The following TUSC3 variants were observed in gnomAD, a reference collection of about 807,000 sequenced individuals.
TUSC3 encodes tumor suppressor candidate 3.
TUSC3 carries 45 observed loss-of-function variants against 44.8 expected under a neutral mutation model. That is an observed-to-expected ratio of 1.00 (90% CI 0.79 to 1.29). The LOEUF is 1.29. TUSC3 is among the 50% of genes most tolerant of loss of function. TUSC3 has a pLI of 0.00. For synonymous variants in TUSC3, 212 were observed against 152.9 expected, an observed-to-expected ratio of 1.39 and a Z score of -2.85; for missense variants, 519 against 437.9, an observed-to-expected ratio of 1.19 and a Z score of -1.65.
the TUSC3 span, among the ~76,000 whole-genome samples, chr8:15,802,568 C>T: frequency 3.2e-3 from 494 of 152,208 alleles, 10 homozygotes; most frequent in Admixed American, 0.026. Flanking sequence ...ATTACAGGTG[C>T]ACGCCACCGT....
chr8:15,746,686 G>A (rs886994003), intron 8 of TUSC3, among the ~76,000 whole-genome samples: 6 of 151,832 alleles, frequency 4.0e-5, no homozygotes, highest in South Asian at 2.1e-4. Flanking sequence ...ACAACCCAAT[G>A]GGGCTACTAA....
At chr8:15,483,649 A>ATTTTTTTTTTTTTTTTTTTTTTTTTTTT (rs60092911) in intron 2 of TUSC3, among the ~76,000 whole-genome samples, 3 of 66,158 alleles carry the variant, frequency 4.5e-5, no homozygotes, top group Non-Finnish European at 5.5e-5. Flanking sequence ...TAGCACTGTG[A>ATTTTTTTTTTTTTTTTTTTTTTTTTTTT]TTTTTTTTTT....
chr8:15,736,186 A>C (rs937171646), intron 7 of TUSC3, among the ~76,000 whole-genome samples: 18 of 152,172 alleles, frequency 1.2e-4, no homozygotes, highest in African/African-American at 4.1e-4. Context: ...ACCTGACAAG[A>C]TGTCTGATGG....
rs150073848 is a variant in TUSC3 at position 15,699,995 on chromosome 8, T to C, written c.798+26159T>C. Among the ~76,000 whole-genome samples the C allele has an allele frequency of 2.7e-3, 407 of 152,304 alleles. 1 individual carries two copies. Among genetic ancestry groups the C allele is most frequent in the African/African-American group, 8.5e-3 (354 of 41,566 alleles). The stretch of plus-strand genomic sequence containing the variant: ...CCAATATTGCAACATTAGAATCTTT[T>C]TATAATCTTTTTATTATCTACATTT... On this transcript the variant is annotated intron_variant, in intron 6 of 10. Transcript: ENST00000503731.
chr8:15,744,174 C>A (rs951951894), intron 8 of TUSC3, among the ~76,000 whole-genome samples: 1 of 152,138 alleles, frequency 6.6e-6, no homozygotes, highest in Non-Finnish European at 1.5e-5. Flanking sequence ...ATTTACAACT[C>A]CCTCAAGTTC....
At chr8:15,586,631 C>A (rs1438416733) in intron 1 of TUSC3, among the ~76,000 whole-genome samples, 2 of 152,100 alleles carry the variant, frequency 1.3e-5, no homozygotes, top group Admixed American at 6.5e-5. Flanking sequence ...GAGTGAGAAA[C>A]TGAGGAGATT....
At chr8:15,712,983 C>A (rs1488160006) in intron 6 of TUSC3, among the ~76,000 whole-genome samples, 2 of 152,116 alleles carry the variant, frequency 1.3e-5, no homozygotes, top group African/African-American at 2.4e-5. Context: ...GCTGTTAAAT[C>A]AGTTGGATGT....
At chr8:15,691,618 C>G (rs1411706388) in intron 6 of TUSC3, among the ~76,000 whole-genome samples, 2 of 152,088 alleles carry the variant, frequency 1.3e-5, no homozygotes, top group Admixed American at 1.3e-4. Context: ...CCAGCTTTGC[C>G]CATTCACTAT....
chr8:15,568,217 T>C (rs1300388697), intron 1 of TUSC3, among the ~76,000 whole-genome samples: 1 of 152,146 alleles, frequency 6.6e-6, no homozygotes, highest in Non-Finnish European at 1.5e-5. Flanking sequence ...AAGTGTGGTG[T>C]GCAGATGCTA....
At chr8:15,493,567 T>C (rs191539143) in intron 2 of TUSC3, among the ~76,000 whole-genome samples, 1 of 152,266 alleles carries the variant, frequency 6.6e-6, no homozygotes, top group Non-Finnish European at 1.5e-5. Context: ...CCAGCACAGA[T>C]ATCAACTTAA....
chr8:15,708,184 G>A (rs554108229), intron 6 of TUSC3, among the ~76,000 whole-genome samples: 1 of 152,004 alleles, frequency 6.6e-6, no homozygotes, highest in South Asian at 2.1e-4. Flanking sequence ...GCATAAGAAA[G>A]TAAAGAAAAT....
chr8:15,730,468 A>G (rs1416375753), intron 6 of TUSC3, among the ~76,000 whole-genome samples, 198 bp from the exon 7 acceptor site: 1 of 152,178 alleles, frequency 6.6e-6, no homozygotes, highest in Non-Finnish European at 1.5e-5. Context: ...TAGAGTTTAC[A>G]ATAGTATCAT....
chr8:15,441,011 G>C (rs1260527841), intron 1 of TUSC3, among the ~76,000 whole-genome samples: 1 of 152,178 alleles, frequency 6.6e-6, no homozygotes, highest in African/African-American at 2.4e-5. Context: ...GAATTGCATT[G>C]CCTAATAGAT....
chr8:15,694,422 C>T (rs1001410089), intron 6 of TUSC3, among the ~76,000 whole-genome samples: 20 of 114,384 alleles, frequency 1.7e-4, no homozygotes, highest in East Asian at 1.2e-3. Context: ...AGCAACAAGA[C>T]GGAAACTCCA....
At chr8:15,834,538 C>A in the TUSC3 span, among the ~76,000 whole-genome samples, 511 of 152,164 alleles carry the variant, frequency 3.4e-3, 14 homozygotes, top group Admixed American at 0.03. Context: ...CCTATTTATT[C>A]CTTTTTAACA....
chr8:15,531,577 C>A (rs1286861344), intron 2 of TUSC3, among the ~76,000 whole-genome samples: 1 of 152,194 alleles, frequency 6.6e-6, no homozygotes, highest in Non-Finnish European at 1.5e-5. Flanking sequence ...AACGTTCACT[C>A]CTGCCTTAAA....
chr8:15,755,465 A>G (rs1811885265), intron 9 of TUSC3, among the ~76,000 whole-genome samples: 1 of 152,132 alleles, frequency 6.6e-6, no homozygotes, highest in South Asian at 2.1e-4. Flanking sequence ...TCATAGTTGC[A>G]TGATTCAGTT....
chr8:15,456,301 A>T (rs181187481), intron 1 of TUSC3, among the ~76,000 whole-genome samples: 23 of 152,312 alleles, frequency 1.5e-4, no homozygotes, highest in African/African-American at 3.8e-4. Context: ...TGTTTGTGCA[A>T]TGGGCAGGCG....
chr8:15,479,126 GTTGT>G (rs1235025958), intron 1 of TUSC3, among the ~76,000 whole-genome samples: 1 of 152,022 alleles, frequency 6.6e-6, no homozygotes, highest in Non-Finnish European at 1.5e-5. Flanking sequence ...TTTTAATGGG[GTTGT>G]TTGATTTTTT....
Sources: allele counts gnomAD v4.1 joint callset (sites outside exome capture counted in the v4.1 genomes callset), GRCh38; gene constraint gnomAD v4.1.1; transcripts MANE v1.5; gene names NCBI Gene and HGNC (gene_info 2026-07-23, HGNC 2026-07-21).